The following KIF27 variants were observed in gnomAD, a reference collection of about 807,000 sequenced individuals.
KIF27 encodes the protein kinesin-like protein KIF27.
Under a neutral mutation model 141.8 loss-of-function variants are expected in KIF27, and 84 were observed. The observed-to-expected ratio is 0.59, with a 90% confidence interval of 0.50 to 0.71. The LOEUF is 0.71. Ranked by LOEUF, KIF27 falls within the 30% of genes least tolerant of loss-of-function variation. KIF27 has a pLI of 0.00. For synonymous variants in KIF27, 471 were observed against 569.5 expected (o/e 0.83, Z 2.46); for missense variants, 1,306 against 1,628.4 (o/e 0.80, Z 3.41).
chr9:83,880,200 T>C (rs533808518), intron 11 of KIF27, 97 bp downstream of exon 11: 2 of 1,559,936 alleles, frequency 1.3e-6, no homozygotes, highest in African/African-American at 2.7e-5. Flanking sequence ...CAAGGATAGA[T>C]ACTTCACAAG....
chr9:83,894,626 T>C (rs545738015), intron 5 of KIF27, among the ~76,000 whole-genome samples: 1 of 152,282 alleles, frequency 6.6e-6, no homozygotes, highest in South Asian at 2.1e-4. Context: ...GTCTACTTAG[T>C]TTCCCCGCCA....
intron 17 of KIF27, among the ~76,000 whole-genome samples, chr9:83,838,574 A>G (rs1337086924): frequency 2.6e-5 from 4 of 152,210 alleles, no homozygotes; most frequent in African/African-American, 7.2e-5. Flanking sequence ...CAGGTTGCAC[A>G]TTGGCAGCTC....
At chr9:83,908,271 A>G in intron 3 of KIF27, among the ~76,000 whole-genome samples, 181 bp downstream of exon 3, 1 of 147,464 alleles carries the variant, frequency 6.8e-6, no homozygotes, top group East Asian at 1.9e-4. Context: ...CAAAAAAAAA[A>G]AAAAAAAAAG....
Position 83,848,109 on chromosome 9 carries a change from C to CATATATATGATATATCTGATATATCAT in KIF27, c.3556+1989_3556+1990insATGATATATCAGATATATCATATATAT, listed in dbSNP as rs375222138. 8.2e-5 allele frequency among the ~76,000 whole-genome samples: 2 copies of CATATATATGATATATCTGATATATCAT among 24,504 alleles called. 1 individual carries two copies. The highest frequency in any genetic ancestry group is 9.6e-4 in the African/African-American group (2 of 2,074). The allele number at this position is 24,504 out of a possible 152,430, so 16.1% of individuals were successfully genotyped here. A position where few individuals can be genotyped will look rare whatever the true frequency, so the allele number is the denominator to read the frequency against. ...CATATATATGATATATATGATATCT[C>CATATATATGATATATCTGATATATCAT]ATATCTGATATATCTGATATCTCAT... On this transcript the variant is annotated intron_variant, in intron 16 of 17. Coordinates refer to ENST00000297814, the MANE Select transcript of KIF27 (RefSeq NM_017576.4).
rs1315855042 is a variant in KIF27, at chr9:83,870,529, T to G, written c.2747A>C (p.Asp916Ala). The G allele has an allele frequency of 6.2e-7, 1 of 1,613,644 alleles. No individual in the cohort carries two copies. The highest frequency in any genetic ancestry group is 8.5e-7 in the Non-Finnish European group (1 of 1,179,800). ...KRRKGSFGSI[D>A]HLQKLDEQKK... ...ATAGAATTGACAAACCTGGAGATGG[T>G]CTATACTTCCAAACGAACCTTTTCT... The change falls in exon 12 of 18, where the codon GAC (aspartate) becomes GCC (alanine). Residue 916 changes from aspartate (D) to alanine (A), a missense_variant. Transcript: ENST00000297814.
intron 16 of KIF27, 131 bp from the exon 17 acceptor site, chr9:83,842,532 C>T: frequency 1.7e-6 from 2 of 1,179,152 alleles, no homozygotes; most frequent in Non-Finnish European, 2.2e-6. Flanking sequence ...GCGTGATATG[C>T]TCGGCTCACT....
intron 1 of KIF27, among the ~76,000 whole-genome samples, chr9:83,917,717 C>T (rs144068615): frequency 1.2e-3 from 180 of 152,258 alleles, no homozygotes; most frequent in African/African-American, 4.1e-3. Flanking sequence ...TAAGAATACT[C>T]TTTTCAACAA....
Position 83,836,604 on chromosome 9 carries a change from T to C in KIF27, c.*397A>G, listed in dbSNP as rs1243448837. ...AGCTGGATCTTTTAAAAAAAAAATA[T>C]ACTTGTATTTGAGAATAACAATAAT... is the stretch of plus-strand genomic sequence containing the variant. On this transcript the variant is annotated 3_prime_UTR_variant, in exon 18 of 18. Coordinates refer to ENST00000297814, the MANE Select transcript of KIF27 (RefSeq NM_017576.4). 6.4e-6 allele frequency: 1 copy of C among 156,498 alleles called. No individual in the cohort carries two copies. The highest frequency in any genetic ancestry group is 1.4e-5 in the Non-Finnish European group (1 of 71,112). The allele number at this position is 156,498 out of a possible 1,614,324, so 9.7% of individuals were successfully genotyped here. A position where few individuals can be genotyped will look rare whatever the true frequency, so the allele number is the denominator to read the frequency against.
rs546591804 is a variant in KIF27, at chr9:83,909,561, C to G, written c.299-909G>C. ...GCTGGGAGGTGGAGGTTGCAGTGAG[C>G]TGAGACAGTGCCACTGTACTCCAGC... is the stretch of plus-strand genomic sequence containing the variant. On this transcript the variant is annotated intron_variant, in intron 2 of 17. Transcript: ENST00000297814. Among the ~76,000 whole-genome samples the G allele has an allele frequency of 7.5e-5, 11 of 147,298 alleles. No homozygotes were observed. In the South Asian group the frequency reaches 1.5e-3, roughly 20 times the overall value.
chr9:83,842,486 G>A lies in KIF27; in HGVS notation c.3557-85C>T, dbSNP rs147388642. 370 of 1,426,340 alleles carry A rather than the reference G, an allele frequency of 2.6e-4. 4 individuals carry two copies. The highest frequency in any genetic ancestry group is 2.5e-4 in the Middle Eastern group (1 of 4,062). 88.4% of individuals were successfully genotyped at this position (1,426,340 alleles called of 1,614,324 possible). A position where few individuals can be genotyped will look rare whatever the true frequency, so the allele number is the denominator to read the frequency against. ...TTTGTTTGTTTGTTTTTTTTGAGACGGAGTCTCGCACTGTCGCCCAGGCTA... is the reference window on the plus strand; with the variant it reads ...TTTGTTTGTTTGTTTTTTTTGAGACAGAGTCTCGCACTGTCGCCCAGGCTA... On this transcript the variant is annotated intron_variant, in intron 16 of 17. Transcript: ENST00000297814.
At position 83,834,312 on chromosome 9, in the gene KIF27, G is replaced by T. The variant is rs1377482580; in HGVS notation, c.*2689C>A. On this transcript the variant is annotated 3_prime_UTR_variant, in exon 18 of 18. Coordinates refer to ENST00000297814, the MANE Select transcript of KIF27 (RefSeq NM_017576.4). ...GGTGTCTAATTTTTTTCTTTCCTTT[G>T]TGAGAACACCGACTAAACTAGAATG... 6.6e-6 allele frequency among the ~76,000 whole-genome samples: 1 copy of T among 151,846 alleles called. No homozygotes were observed. Among genetic ancestry groups the T allele is most frequent in the African/African-American group, 2.4e-5 (1 of 41,346 alleles).
intron 5 of KIF27, among the ~76,000 whole-genome samples, chr9:83,897,702 G>A (rs1451223090): frequency 1.3e-5 from 2 of 151,964 alleles, no homozygotes; most frequent in Non-Finnish European, 2.9e-5. Flanking sequence ...AATCATGTAA[G>A]TGACAAAGCG....
At chr9:83,863,838 T>G (rs1950141981) in intron 13 of KIF27, 1 of 152,332 alleles carries the variant, frequency 6.6e-6, no homozygotes, top group East Asian at 1.9e-4. Flanking sequence ...CTATTAATTA[T>G]TGCCTCAATT....
Position 83,915,666 on chromosome 9 carries a change from A to G in KIF27, c.-75T>C. The G allele has an allele frequency of 1.5e-6, 2 of 1,352,168 alleles. No homozygotes were observed. Among genetic ancestry groups the G allele is most frequent in the Non-Finnish European group, 2.0e-6 (2 of 992,100 alleles). The allele number at this position is 1,352,168 out of a possible 1,614,324, so 83.8% of individuals were successfully genotyped here. A position where few individuals can be genotyped will look rare whatever the true frequency, so the allele number is the denominator to read the frequency against. ...AGTGTGAGAGACTTCCATCTTATGT[A>G]AGATCTGGATTCCTGTGCAACAAAA... On this transcript the variant is annotated 5_prime_UTR_variant, in exon 2 of 18. Transcript: ENST00000297814.
At chr9:83,910,080 TACA>T (rs1954990848) in intron 2 of KIF27, among the ~76,000 whole-genome samples, 2 of 151,868 alleles carry the variant, frequency 1.3e-5, no homozygotes, top group Non-Finnish European at 2.9e-5. Flanking sequence ...CATACATACA[TACA>T]TACGTACGTA....
At position 83,883,981 on chromosome 9, in the gene KIF27, C is replaced by T. The variant is rs1191391556; in HGVS notation, c.2277G>A (p.Leu759=). 2 of 1,613,138 alleles carry T rather than the reference C, an allele frequency of 1.2e-6. No homozygotes were observed. The change falls in exon 10 of 18, where the codon TTG becomes TTA. Residue 759 remains leucine, a synonymous_variant. Transcript: ENST00000297814. ...CATCATGCTCTAGCTTTGTTACTTT[C>T]AAAGAATACTGCTTGCTTACAGACT... The part of the protein sequence containing the change: ...DAKSVSKQYS[L]KVTKLEHDAE...
At chr9:83,913,377 T>C (rs1406417167) in intron 2 of KIF27, among the ~76,000 whole-genome samples, 1 of 152,148 alleles carries the variant, frequency 6.6e-6, no homozygotes, top group Non-Finnish European at 1.5e-5. Context: ...TGACCCAGAA[T>C]TGGTGTCCTA....
intron 5 of KIF27, 81 bp downstream of exon 5, chr9:83,899,580 A>G: frequency 1.0e-6 from 1 of 975,798 alleles, no homozygotes; most frequent in Admixed American, 2.2e-5. Flanking sequence ...TTAAGTTCCC[A>G]TTTATCATTT....
At chr9:83,885,373 G>A (rs539644552) in intron 9 of KIF27, among the ~76,000 whole-genome samples, 18 of 152,238 alleles carry the variant, frequency 1.2e-4, no homozygotes, top group African/African-American at 3.4e-4. Context: ...GATTACAGGC[G>A]TGAGCCACCG....
Sources: allele counts gnomAD v4.1 joint callset (sites outside exome capture counted in the v4.1 genomes callset), GRCh38; gene constraint gnomAD v4.1.1; transcripts MANE v1.5; gene names NCBI Gene and HGNC (gene_info 2026-07-23, HGNC 2026-07-21).